ZSCAN5A: variants seen among roughly 807,000 people sequenced by gnomAD.
ZSCAN5A encodes zinc finger and SCAN domain containing 5A.
In ZSCAN5A, 12 loss-of-function variants were observed where a neutral mutation model predicts 23.7. The observed-to-expected ratio is 0.51, with a 90% CI of 0.32 to 0.82. ZSCAN5A has a LOEUF of 0.82. Ranked by LOEUF, ZSCAN5A falls within the 40% of genes least tolerant of loss-of-function variation. ZSCAN5A has a pLI of 0.03. For missense variants in ZSCAN5A, 597 were observed against 617.9 expected (o/e 0.97, Z 0.36); for synonymous variants, 257 against 239.9 (o/e 1.07, Z -0.66).
chr19:56,278,667 G>A (rs568320689), intron 2 of ZSCAN5A, among the ~76,000 whole-genome samples: 22 of 152,346 alleles, frequency 1.4e-4, no homozygotes, highest in African/African-American at 3.8e-4. Context: ...GCAGAACCAG[G>A]AGGGCCAGTA....
At chr19:56,237,041 C>T (rs891016511) in intron 2 of ZSCAN5A, among the ~76,000 whole-genome samples, 5 of 152,248 alleles carry the variant, frequency 3.3e-5, no homozygotes, top group East Asian at 1.9e-4. Flanking sequence ...TCAAAGACAC[C>T]GAGGGGTATT....
At chr19:56,303,108 G>A (rs2040454851) in intron 2 of ZSCAN5A, 1 of 381,974 alleles carries the variant, frequency 2.6e-6, no homozygotes, top group East Asian at 3.7e-5. Context: ...GCCAATTGAG[G>A]AGGGGAAGCA....
intron 2 of ZSCAN5A, chr19:56,302,729 C>A: frequency 2.8e-6 from 1 of 354,374 alleles, no homozygotes. Context: ...CCTCCCACCT[C>A]TAGACTGGGA....
At chr19:56,327,492 T>C (rs1176148482) in intron 2 of ZSCAN5A, among the ~76,000 whole-genome samples, 4 of 150,556 alleles carry the variant, frequency 2.7e-5, no homozygotes, top group Non-Finnish European at 5.9e-5. Flanking sequence ...TGTTTTATAA[T>C]GTACATGTTA....
intron 2 of ZSCAN5A, among the ~76,000 whole-genome samples, chr19:56,235,752 T>C (rs79125778): frequency 0.023 from 141 of 6,224 alleles, 13 homozygotes; most frequent in Middle Eastern, 0.17. Context: ...TCCACTCCAG[T>C]CTCTGATGGA....
upstream of ZSCAN5A, among the ~76,000 whole-genome samples, chr19:56,318,705 T>C (rs117851041): frequency 1.6e-3 from 238 of 152,244 alleles, 2 homozygotes; most frequent in East Asian, 0.031. Flanking sequence ...TTAATAAAAG[T>C]GAAAATGAGT....
At chr19:56,253,020 G>A (rs1027079403) in intron 2 of ZSCAN5A, among the ~76,000 whole-genome samples, 1 of 152,234 alleles carries the variant, frequency 6.6e-6, no homozygotes, top group African/African-American at 2.4e-5. Context: ...CTAGCACTGC[G>A]CTCCCTGCAA....
At position 56,296,726 on chromosome 19, in the gene ZSCAN5A, C is replaced by T. The variant is rs115571037; in HGVS notation, c.-128+16557G>A. 9.6e-3 allele frequency among the ~76,000 whole-genome samples: 1,455 copies of T among 152,066 alleles called. 19 individuals are homozygous for T. The highest frequency in any genetic ancestry group is 0.033 in the African/African-American group (1,390 of 41,512). The stretch of plus-strand genomic sequence containing the variant: ...GACAATAGAGTAATGGGGATGGAAA[C>T]GCAGTGCGGGAAACTTAAGTTTTTT... On this transcript the variant is annotated intron_variant, in intron 2 of 5. Transcript: ENST00000683990.
chr19:56,331,331 G>GA (rs1461749479), intron 2 of ZSCAN5A, among the ~76,000 whole-genome samples: 21 of 151,936 alleles, frequency 1.4e-4, no homozygotes, highest in African/African-American at 4.8e-4. Flanking sequence ...CTAGTTCTGT[G>GA]AAAAAAGATG....
intron 2 of ZSCAN5A, among the ~76,000 whole-genome samples, chr19:56,358,069 A>G (rs941257185): frequency 6.7e-6 from 1 of 148,968 alleles, no homozygotes; most frequent in Non-Finnish European, 1.5e-5. Flanking sequence ...GCCAACTATC[A>G]TAAATATATA....
chr19:56,265,460 CTT>C (rs983870591), intron 2 of ZSCAN5A, among the ~76,000 whole-genome samples: 2 of 151,322 alleles, frequency 1.3e-5, no homozygotes, highest in African/African-American at 2.4e-5. Context: ...TGAGCTTTCT[CTT>C]TGAGAGATCC....
At chr19:56,326,063 G>A (rs1248439109) in intron 2 of ZSCAN5A, among the ~76,000 whole-genome samples, 2 of 151,788 alleles carry the variant, frequency 1.3e-5, no homozygotes, top group African/African-American at 4.8e-5. Context: ...CTCCTGAGTA[G>A]CTGGGACTAC....
intron 2 of ZSCAN5A, chr19:56,282,495 G>GA: frequency 1.0e-6 from 1 of 985,334 alleles, no homozygotes; most frequent in Non-Finnish European, 1.2e-6. Context: ...CAACAGTGCT[G>GA]AAAGGTAAGC....
rs1051960454 is a variant in ZSCAN5A, at chr19:56,268,281, C to T, written c.-127-43108G>A. Among the ~76,000 whole-genome samples, 4 of 152,168 alleles carry T rather than the reference C, an allele frequency of 2.6e-5. 1 individual carries two copies. The highest frequency in any genetic ancestry group is 9.7e-5 in the African/African-American group (4 of 41,446). ...CTGAGCCAGTCATGCCAGCTGCAGC[C>T]GAGACCCCTTGTGTGGGCGCTGCCC... is the stretch of plus-strand genomic sequence containing the variant. On this transcript the variant is annotated intron_variant, in intron 2 of 5. Transcript: ENST00000683990.
chr19:56,310,920 T>A (rs534191038), intron 2 of ZSCAN5A, among the ~76,000 whole-genome samples: 1 of 152,310 alleles, frequency 6.6e-6, no homozygotes, highest in Admixed American at 6.5e-5. Flanking sequence ...ATCTGTAAAA[T>A]GGGGATAGTA....
intron 2 of ZSCAN5A, among the ~76,000 whole-genome samples, chr19:56,240,672 C>T (rs7247429): frequency 0.6 from 90,936 of 151,916 alleles, 27,661 homozygotes; most frequent in Middle Eastern, 0.7. Context: ...CTTTGCACCC[C>T]GTGATTAACT....
At chr19:56,345,419 C>G (rs746676831) in intron 2 of ZSCAN5A, among the ~76,000 whole-genome samples, 1 of 152,128 alleles carries the variant, frequency 6.6e-6, no homozygotes, top group Non-Finnish European at 1.5e-5. Flanking sequence ...TTTTTGCTAT[C>G]ATGGATTTTC....
chr19:56,353,828 G>A (rs1469422003), intron 2 of ZSCAN5A, among the ~76,000 whole-genome samples: 1 of 151,962 alleles, frequency 6.6e-6, no homozygotes, highest in Non-Finnish European at 1.5e-5. Context: ...TAAATAAAAT[G>A]ATATTGAGCA....
chr19:56,226,583 T>TG (rs935828363), intron 2 of ZSCAN5A, among the ~76,000 whole-genome samples: 2 of 151,596 alleles, frequency 1.3e-5, no homozygotes, highest in Admixed American at 1.3e-4. Flanking sequence ...GGTGAGGATT[T>TG]GGGGGAAAGG....
Sources: allele counts gnomAD v4.1 joint callset (sites outside exome capture counted in the v4.1 genomes callset), GRCh38; gene constraint gnomAD v4.1.1; transcripts MANE v1.5; gene names NCBI Gene and HGNC (gene_info 2026-07-23, HGNC 2026-07-21).